Variants in PTPRD observed in about 807,000 individuals in gnomAD.
PTPRD encodes receptor-type tyrosine-protein phosphatase delta.
A neutral mutation model predicts 214.5 loss-of-function variants in PTPRD; 34 were observed. The observed-to-expected ratio is 0.16, with a 90% confidence interval of 0.12 to 0.21. The LOEUF (loss-of-function observed/expected upper bound fraction) is 0.21. PTPRD is among the 10% of genes least tolerant of loss of function. PTPRD has a pLI of 1.00. For synonymous variants in PTPRD, 1,128 were observed against 845.7 expected (o/e 1.33, Z -5.79); for missense variants, 2,545 against 2,398.7 (o/e 1.06, Z -1.27).
intron 9 of PTPRD, among the ~76,000 whole-genome samples, chr9:9,222,752 A>G (rs1005051806): frequency 6.6e-6 from 1 of 152,076 alleles, no homozygotes; most frequent in African/African-American, 2.4e-5. Context: ...GATGTTGTTT[A>G]CAGTTTGAAG....
In PTPRD at chr9:9,576,674, G is replaced by A. The variant is rs189666194; in HGVS notation, c.-286-1893C>T. On this transcript the variant is annotated intron_variant, in intron 7 of 45. Transcript: ENST00000381196. ...GTATTAGAATTAACATTTGGCTGAAGCTAAATATTACCATTGTAGAATAAA... is the reference window on the plus strand; with the variant it reads ...GTATTAGAATTAACATTTGGCTGAAACTAAATATTACCATTGTAGAATAAA... Among the ~76,000 whole-genome samples the A allele has an allele frequency of 2.0e-5, 3 of 152,242 alleles. No individual in the cohort carries two copies. The East Asian group carries it at 5.8e-4, about 29-fold the overall frequency.
chr9:8,340,965 G>T (rs777486194), intron 41 of PTPRD, 125 bp downstream of exon 41: 2 of 937,104 alleles, frequency 2.1e-6, no homozygotes, highest in African/African-American at 1.7e-5. Flanking sequence ...AATACCAAGG[G>T]ACTAAATGAT....
intron 8 of PTPRD, among the ~76,000 whole-genome samples, chr9:9,439,590 C>A (rs530367167): frequency 2.6e-5 from 4 of 152,234 alleles, no homozygotes; most frequent in Non-Finnish European, 4.4e-5. Flanking sequence ...TTTCAGCCCC[C>A]AGATTAGAGG....
chr9:8,769,507 G>A (rs1235149345), intron 11 of PTPRD, among the ~76,000 whole-genome samples: 1 of 152,174 alleles, frequency 6.6e-6, no homozygotes, highest in Non-Finnish European at 1.5e-5. Flanking sequence ...ATTTGTAGTT[G>A]TGTGGTTCTC....
intron 8 of PTPRD, among the ~76,000 whole-genome samples, chr9:9,410,804 A>G (rs929059823): frequency 1.3e-5 from 2 of 152,170 alleles, no homozygotes; most frequent in African/African-American, 2.4e-5. Flanking sequence ...GCCACATGTC[A>G]TGGGCTTCCC....
At chr9:10,020,101 T>G (rs916415502) in intron 4 of PTPRD, among the ~76,000 whole-genome samples, 1 of 152,178 alleles carries the variant, frequency 6.6e-6, no homozygotes, top group Non-Finnish European at 1.5e-5. Context: ...CTTTTGTGAT[T>G]TGAAGAAGTT....
chr9:10,279,806 A>G (rs902252864), intron 3 of PTPRD, among the ~76,000 whole-genome samples: 6 of 152,238 alleles, frequency 3.9e-5, no homozygotes, highest in Admixed American at 3.9e-4. Context: ...AAGTGTGGGT[A>G]ATCTGCCATG....
intron 3 of PTPRD, among the ~76,000 whole-genome samples, chr9:10,213,555 T>C (rs527794591): frequency 2.0e-5 from 3 of 152,278 alleles, no homozygotes; most frequent in East Asian, 1.9e-4. Context: ...GAGCAAGATA[T>C]AGTATTTCAT....
chr9:9,636,954 T>G (rs1157764104), intron 7 of PTPRD, among the ~76,000 whole-genome samples: 1 of 152,152 alleles, frequency 6.6e-6, no homozygotes, highest in East Asian at 1.9e-4. Context: ...CCTCCAGAGT[T>G]GGGGAATGGT....
chr9:9,273,056 A>G (rs1021468220), intron 9 of PTPRD, among the ~76,000 whole-genome samples: 1 of 151,376 alleles, frequency 6.6e-6, no homozygotes, highest in African/African-American at 2.4e-5. Flanking sequence ...AGGAAATAAC[A>G]GTAGCAGTGG....
chr9:10,177,978 G>C (rs918865889), intron 3 of PTPRD, among the ~76,000 whole-genome samples: 2 of 151,902 alleles, frequency 1.3e-5, no homozygotes, highest in African/African-American at 4.8e-5. Flanking sequence ...TGGCTAGTAA[G>C]AGCTAAACTA....
chr9:9,830,274 T>C (rs924714302), intron 5 of PTPRD, among the ~76,000 whole-genome samples: 4 of 151,850 alleles, frequency 2.6e-5, no homozygotes, highest in Non-Finnish European at 4.4e-5. Context: ...TATTTTTCAC[T>C]TATAAATTTA....
chr9:9,360,219 C>G (rs919820724), intron 9 of PTPRD, among the ~76,000 whole-genome samples: 19 of 150,042 alleles, frequency 1.3e-4, no homozygotes, highest in African/African-American at 4.4e-4. Flanking sequence ...CTGAAAAAGA[C>G]TATTTCCTGT....
intron 12 of PTPRD, among the ~76,000 whole-genome samples, chr9:8,672,846 T>TCGGGG (rs2097313414): frequency 1.7e-4 from 2 of 12,096 alleles, no homozygotes; most frequent in East Asian, 3.5e-3. Context: ...GTACTCTGTG[T>TCGGGG]GGGGGGGGTG....
intron 3 of PTPRD, among the ~76,000 whole-genome samples, chr9:10,217,951 A>T (rs548137254): frequency 6.6e-5 from 10 of 152,076 alleles, no homozygotes; most frequent in African/African-American, 2.4e-4. Context: ...GCTTATGTTT[A>T]AAGGCCTATG....
chr9:8,496,104 C>G (rs1239827097), intron 26 of PTPRD, among the ~76,000 whole-genome samples: 1 of 151,732 alleles, frequency 6.6e-6, no homozygotes, highest in African/African-American at 2.4e-5. Flanking sequence ...ACATGCTCAA[C>G]TGTCTCAATG....
chr9:8,748,451 C>T (rs189287250), intron 11 of PTPRD, among the ~76,000 whole-genome samples: 1 of 142,404 alleles, frequency 7.0e-6, no homozygotes, highest in South Asian at 2.3e-4. Flanking sequence ...ACAGCAACCC[C>T]CTTTGGGTCC....
At chr9:9,402,989 A>G (rs1343573704) in intron 8 of PTPRD, among the ~76,000 whole-genome samples, 2 of 120,990 alleles carry the variant, frequency 1.7e-5, no homozygotes, top group African/African-American at 6.9e-5. Flanking sequence ...AAAAAAAAAA[A>G]CACCAAAAAA....
At chr9:9,049,667 G>A (rs2099680887) in intron 10 of PTPRD, among the ~76,000 whole-genome samples, 1 of 152,042 alleles carries the variant, frequency 6.6e-6, no homozygotes, top group African/African-American at 2.4e-5. Flanking sequence ...AGAGGTTGTG[G>A]GGTTTTAGGT....
Sources: allele counts gnomAD v4.1 joint callset (sites outside exome capture counted in the v4.1 genomes callset), GRCh38; gene constraint gnomAD v4.1.1; transcripts MANE v1.5; gene names NCBI Gene and HGNC (gene_info 2026-07-23, HGNC 2026-07-21).